The following XKR6 variants were observed in gnomAD, a reference collection of about 807,000 sequenced individuals.
XKR6 encodes XK-related protein 6.
XKR6 carries 22 observed loss-of-function variants against 56.7 expected under a neutral mutation model. The observed-to-expected ratio is 0.39, with a 90% CI of 0.28 to 0.55. The LOEUF is 0.55. Among genes scored for constraint, XKR6 ranks in the 20% least tolerant of loss-of-function variants. The pLI, the probability that XKR6 is intolerant of heterozygous loss-of-function variation, is 0.66. For missense variants in XKR6, 852 were observed against 889.0 expected (o/e 0.96, Z 0.53); for synonymous variants, 524 against 387.8 (o/e 1.35, Z -4.13).
intron 1 of XKR6, among the ~76,000 whole-genome samples, chr8:10,957,873 G>A (rs898198626): frequency 4.6e-5 from 7 of 151,904 alleles, no homozygotes; most frequent in African/African-American, 1.5e-4. Context: ...CAACAATATC[G>A]AATCTAAAAA....
intron 1 of XKR6, among the ~76,000 whole-genome samples, chr8:11,103,303 C>G (rs1798554423): frequency 6.6e-6 from 1 of 152,192 alleles, no homozygotes; most frequent in Non-Finnish European, 1.5e-5. Flanking sequence ...GCTCCAACAC[C>G]TGCCTTAAAC....
intron 1 of XKR6, among the ~76,000 whole-genome samples, chr8:11,083,907 T>C (rs1028128618): frequency 1.3e-5 from 2 of 152,194 alleles, no homozygotes; most frequent in Non-Finnish European, 2.9e-5. Context: ...TGAGACAGAT[T>C]GTAAGTTTGC....
chr8:11,135,203 G>T (rs1158035074), intron 1 of XKR6, among the ~76,000 whole-genome samples: 1 of 151,916 alleles, frequency 6.6e-6, no homozygotes, highest in East Asian at 1.9e-4. Flanking sequence ...CTAATTTTTT[G>T]TATTTTTAGC....
At chr8:11,061,917 C>T (rs1799845558) in intron 1 of XKR6, among the ~76,000 whole-genome samples, 1 of 152,220 alleles carries the variant, frequency 6.6e-6, no homozygotes, top group Non-Finnish European at 1.5e-5. Context: ...GCTGCTGCTG[C>T]TCTTAGCTTC....
At chr8:10,969,400 G>A (rs895783339) in intron 1 of XKR6, among the ~76,000 whole-genome samples, 16 of 152,190 alleles carry the variant, frequency 1.1e-4, no homozygotes, top group African/African-American at 3.6e-4. Context: ...AAGGAACTCC[G>A]GGAAAAGGAC....
intron 2 of XKR6, among the ~76,000 whole-genome samples, chr8:10,911,099 G>T (rs1800344151): frequency 6.6e-6 from 1 of 152,092 alleles, no homozygotes; most frequent in South Asian, 2.1e-4. Context: ...ATGTGGACCT[G>T]GGCAAATGCA....
intron 1 of XKR6, chr8:11,138,129 C>G (rs962268211): frequency 6.0e-6 from 1 of 167,102 alleles, no homozygotes; most frequent in Non-Finnish European, 1.3e-5. Flanking sequence ...CCTGCTCAAA[C>G]CTGACTTTAA....
intron 2 of XKR6, among the ~76,000 whole-genome samples, chr8:10,905,010 C>A (rs991184551): frequency 1.3e-5 from 2 of 152,202 alleles, no homozygotes; most frequent in Non-Finnish European, 2.9e-5. Context: ...AAAGAGTCAG[C>A]TGTGTGCAGC....
intron 1 of XKR6, among the ~76,000 whole-genome samples, chr8:11,038,672 C>T (rs780971648): frequency 4.6e-5 from 7 of 152,034 alleles, no homozygotes; most frequent in African/African-American, 4.8e-5. Context: ...GTAGTTGGGA[C>T]CACAAGTGCT....
chr8:11,152,640 G>C (rs1801323913), intron 1 of XKR6, among the ~76,000 whole-genome samples: 1 of 152,122 alleles, frequency 6.6e-6, no homozygotes, highest in South Asian at 2.1e-4. Flanking sequence ...ATAACACCCA[G>C]TTTGCTTTAT....
chr8:11,200,800 G>C lies in XKR6; in HGVS notation c.540C>G (p.Ser180Arg). Residue 180 changes from serine to arginine, a missense_variant, in exon 1 of 3, where the codon AGC becomes AGG. By Grantham distance (110) the Ser-to-Arg change is moderately radical. Transcript: ENST00000416569. The surrounding 1 kb of genome is among the most constrained non-coding windows in gnomAD (Gnocchi z 6.4). ...LVPSLLVQSL[S>R]FRWFVQDYTG... Reference sequence around the variant, plus strand: ...TGTAGTCCTGCACGAACCAGCGGAAGCTCAGGCTCTGCACCAGCAGCGACG... The same window carrying C: ...TGTAGTCCTGCACGAACCAGCGGAACCTCAGGCTCTGCACCAGCAGCGACG... The C allele has an allele frequency of 6.2e-7, 1 of 1,610,712 alleles. No homozygotes were observed. The highest frequency in any genetic ancestry group is 8.5e-7 in the Non-Finnish European group (1 of 1,179,042).
intron 1 of XKR6, among the ~76,000 whole-genome samples, chr8:11,102,050 C>T (rs1045459785): frequency 7.2e-5 from 11 of 152,234 alleles, no homozygotes; most frequent in Non-Finnish European, 1.3e-4. Context: ...GCGAGGGCTT[C>T]TGGATGGGTC....
intron 2 of XKR6, among the ~76,000 whole-genome samples, chr8:10,921,161 C>G (rs1800697929): frequency 6.6e-6 from 1 of 152,234 alleles, no homozygotes; most frequent in African/African-American, 2.4e-5. Context: ...CATCCATTGC[C>G]CCTTGGGAAT....
intron 1 of XKR6, among the ~76,000 whole-genome samples, chr8:11,144,159 GA>G (rs1800856391): frequency 2.0e-5 from 3 of 151,798 alleles, no homozygotes; most frequent in Non-Finnish European, 2.9e-5. Context: ...GGGCTTGAGG[GA>G]TGCACAATTC....
rs1804148783 is a variant in XKR6 at position 11,200,478 on chromosome 8, C to G, written c.764+98G>C. ...GCGGCCGGTCCCTCCTTCGAGCCCCCCGCGCTGGGCCCTTTCGAGGGGCCG... is the reference window on the plus strand; with the variant it reads ...GCGGCCGGTCCCTCCTTCGAGCCCCGCGCGCTGGGCCCTTTCGAGGGGCCG... On this transcript the variant is annotated intron_variant, in intron 1 of 2. Transcript: ENST00000416569. The surrounding 1 kb of genome is among the most constrained non-coding windows in gnomAD (Gnocchi z 6.4). 1 of 1,319,524 alleles carries G rather than the reference C, an allele frequency of 7.6e-7. No individual in the cohort carries two copies. The allele number at this position is 1,319,524 out of a possible 1,614,324, so 81.7% of individuals were successfully genotyped here.
intron 2 of XKR6, among the ~76,000 whole-genome samples, chr8:10,911,488 T>G (rs11250085): frequency 0.2 from 29,036 of 146,710 alleles, 3,342 homozygotes; most frequent in African/African-American, 0.3. Flanking sequence ...TATATATATA[T>G]AGAGAGAGAG....
intron 2 of XKR6, among the ~76,000 whole-genome samples, chr8:10,903,901 G>C (rs950245945): frequency 1.3e-5 from 2 of 152,178 alleles, no homozygotes; most frequent in Admixed American, 6.5e-5. Flanking sequence ...CAGAAGGAGT[G>C]AGTACAGGTT....
rs566843592 is a variant in XKR6, at chr8:10,975,186, T to C, written c.765-50356A>G. Among the ~76,000 whole-genome samples the C allele has an allele frequency of 3.9e-5, 6 of 152,282 alleles. No homozygotes were observed. The East Asian group carries it at 1.2e-3, about 29-fold the overall frequency. On this transcript the variant is annotated intron_variant, in intron 1 of 2. Transcript: ENST00000416569. ...GTTGTGCTGATAGCAATGGGGAACCTGAGAGGAACTAGCACCCTCCTGCAG... is the reference window on the plus strand; with the variant it reads ...GTTGTGCTGATAGCAATGGGGAACCCGAGAGGAACTAGCACCCTCCTGCAG...
intron 1 of XKR6, among the ~76,000 whole-genome samples, chr8:11,139,109 T>C (rs1800550373): frequency 6.6e-6 from 1 of 152,206 alleles, no homozygotes; most frequent in Admixed American, 6.5e-5. Context: ...TAATAGTAAA[T>C]GCAAATTACA....
Sources: allele counts gnomAD v4.1 joint callset (sites outside exome capture counted in the v4.1 genomes callset), GRCh38; gene constraint gnomAD v4.1.1; non-coding constraint Gnocchi (gnomAD v3.1); transcripts MANE v1.5; gene names NCBI Gene and HGNC (gene_info 2026-07-23, HGNC 2026-07-21).